The following PHC1 variants were observed in gnomAD, a reference collection of about 807,000 sequenced individuals.
The protein encoded by PHC1 is polyhomeotic-like protein 1.
A neutral mutation model predicts 104.3 loss-of-function variants in PHC1; 12 were observed. The ratio of observed to expected loss-of-function variants is 0.12; its 90% confidence interval spans 0.07 to 0.19. PHC1 has a LOEUF of 0.19. Ranked by LOEUF, PHC1 falls within the 10% of genes least tolerant of loss-of-function variation. The probability of loss-of-function intolerance (pLI) is 1.00; values close to 1 mark genes in which losing one functional copy is unlikely to be tolerated. For missense variants in PHC1, 671 were observed against 1,200.0 expected, an observed-to-expected ratio of 0.56 and a Z score of 6.51; for synonymous variants, 302 against 455.8, an observed-to-expected ratio of 0.66 and a Z score of 4.30.
intron 3 of PHC1, among the ~76,000 whole-genome samples, chr12:8,920,305 A>G (rs1565512694): frequency 6.6e-6 from 1 of 152,246 alleles, no homozygotes; most frequent in African/African-American, 2.4e-5. Context: ...TTCCTGTTTT[A>G]CTTTTTAAAA....
intron 1 of PHC1, chr12:8,915,858 T>A (rs1945185824): frequency 1.9e-5 from 3 of 154,326 alleles, no homozygotes; most frequent in Non-Finnish European, 2.9e-5. Context: ...CCAAAAAAAA[T>A]TATTAATCAG....
In PHC1 at chr12:8,921,701, A is replaced by G. The variant is rs1191395537; in HGVS notation, c.407A>G (p.Asn136Ser). Residue 136 changes from asparagine to serine, a missense_variant, in exon 5 of 15, where the codon AAC (asparagine) becomes AGC (serine). Physicochemically the swap from Asn to Ser is conservative, Grantham distance 46. Coordinates refer to ENST00000544916, the MANE Select transcript of PHC1 (RefSeq NM_004426.3). ...TTLTQSVLLG[N>S]TTSPPLNQSQ... ...TTGACCCAATCTGTGCTACTGGGGA[A>G]CACCACCTCCCCACCCCTCAACCAG... 2 of 1,612,526 alleles carry G rather than the reference A, an allele frequency of 1.2e-6. No individual in the cohort carries two copies. Among genetic ancestry groups the G allele is most frequent in the African/African-American group, 1.3e-5 (1 of 74,844 alleles).
At chr12:8,914,874 T>C (rs2137041128) in intron 1 of PHC1, 47 bp downstream of exon 1, 1 of 154,196 alleles carries the variant, frequency 6.5e-6, no homozygotes, top group Admixed American at 6.5e-5. Context: ...CTCTGGGGGC[T>C]TGGCTGCGCG....
intron 11 of PHC1, among the ~76,000 whole-genome samples, chr12:8,935,844 AGT>A (rs1945822496): frequency 6.6e-6 from 1 of 151,774 alleles, no homozygotes; most frequent in African/African-American, 2.4e-5. Context: ...CACCGCAACC[AGT>A]GCCTCCTGGG....
chr12:8,939,266 C>G (rs1945939535), intron 14 of PHC1, 39 bp from the exon 15 acceptor site: 2 of 1,611,794 alleles, frequency 1.2e-6, no homozygotes, highest in South Asian at 1.1e-5. Flanking sequence ...CTTCTCCTAT[C>G]ATCTGGCATT....
rs1411753055 is a variant in PHC1, at chr12:8,922,750, T to A, written c.574T>A (p.Ser192Thr). The change falls in exon 6 of 15, where the codon TCT becomes ACT. Residue 192 changes from serine to threonine, a missense_variant. Ser to Thr is a moderately conservative substitution (Grantham distance 58). Coordinates refer to ENST00000544916, the MANE Select transcript of PHC1 (RefSeq NM_004426.3). The stretch of plus-strand genomic sequence containing the variant: ...GGCTGCAGTCCAGCAGGAGGTGCCA[T>A]CTGCTCAGTCTCCTGGAGTTCATGC... ...AVAAVQQEVP[S>T]AQSPGVHADA... 2 of 1,612,796 alleles carry A rather than the reference T, an allele frequency of 1.2e-6. No individual in the cohort carries two copies. The highest frequency in any genetic ancestry group is 1.7e-6 in the Non-Finnish European group (2 of 1,179,530).
intron 13 of PHC1, 111 bp downstream of exon 13, chr12:8,937,437 C>T: frequency 5.0e-6 from 5 of 1,002,986 alleles, no homozygotes; most frequent in Non-Finnish European, 5.7e-6. Context: ...ACTCTGGTTT[C>T]ACATTGATTG....
Position 8,922,620 on chromosome 12 carries a change from C to T in PHC1, c.457-13C>T. The T allele has an allele frequency of 6.4e-7, 1 of 1,558,018 alleles. No homozygotes were observed. On this transcript the variant is annotated splice_polypyrimidine_tract_variant and intron_variant, in intron 5 of 14. Coordinates refer to ENST00000544916, the MANE Select transcript of PHC1 (RefSeq NM_004426.3). ...CTTGTCCTCTTTGCTCTTCCTCTTC[C>T]TCTCCTTGCCAGCCACAGCTGGGAA...
At chr12:8,929,626 C>T (rs925694981) in intron 6 of PHC1, among the ~76,000 whole-genome samples, 1 of 151,680 alleles carries the variant, frequency 6.6e-6, no homozygotes, top group Non-Finnish European at 1.5e-5. Flanking sequence ...CTCCCAGGCT[C>T]AAGTGATCCT....
At position 8,936,984 on chromosome 12, in the gene PHC1, C is replaced by G; in HGVS notation, c.2477+20C>G. The G allele has an allele frequency of 6.5e-7, 1 of 1,548,900 alleles. No homozygotes were observed. The highest frequency in any genetic ancestry group is 1.1e-5 in the South Asian group (1 of 89,364). On this transcript the variant is annotated intron_variant, in intron 12 of 14. Coordinates refer to ENST00000544916, the MANE Select transcript of PHC1 (RefSeq NM_004426.3). ...TAAGAGGTACTCTGGGCACCCTCCTCCTTGCCCTCAGCACTGGTATCTCCA... is the reference window on the plus strand; with the variant it reads ...TAAGAGGTACTCTGGGCACCCTCCTGCTTGCCCTCAGCACTGGTATCTCCA...
chr12:8,927,853 T>TTC (rs1945560310), intron 6 of PHC1, among the ~76,000 whole-genome samples: 2 of 110,822 alleles, frequency 1.8e-5, no homozygotes, highest in African/African-American at 6.9e-5. Flanking sequence ...ACTGTACTAG[T>TTC]TTTCTTTCTT....
intron 13 of PHC1, among the ~76,000 whole-genome samples, chr12:8,937,535 A>G (rs1945874241): frequency 1.3e-5 from 2 of 151,958 alleles, no homozygotes; most frequent in Non-Finnish European, 1.5e-5. Flanking sequence ...TAATCCTTAC[A>G]CTGTACTTGA....
intron 3 of PHC1, among the ~76,000 whole-genome samples, chr12:8,920,353 A>G (rs1283148869): frequency 6.6e-6 from 1 of 152,210 alleles, no homozygotes; most frequent in African/African-American, 2.4e-5. Context: ...GGTTCATATT[A>G]TATTTATATT....
At chr12:8,934,091 G>GCCCATTTTCTACTCAACCAGA in intron 9 of PHC1, 79 bp downstream of exon 9, 1 of 1,511,754 alleles carries the variant, frequency 6.6e-7, no homozygotes, top group Non-Finnish European at 9.1e-7. Context: ...GATAAAACTG[G>GCCCATTTTCTACTCAACCAGA]TTGAGTAGAA....
At chr12:8,928,753 A>G (rs1016408995) in intron 6 of PHC1, among the ~76,000 whole-genome samples, 8 of 152,160 alleles carry the variant, frequency 5.3e-5, no homozygotes, top group Non-Finnish European at 8.8e-5. Context: ...GACACCATGT[A>G]TATATTTTAA....
chr12:8,930,009 ATCT>A (rs139490350), intron 6 of PHC1, among the ~76,000 whole-genome samples: 28 of 152,300 alleles, frequency 1.8e-4, no homozygotes, highest in Non-Finnish European at 3.7e-4. Context: ...ATATCTATAC[ATCT>A]TATTATGTCA....
chr12:8,937,086 C>T, intron 12 of PHC1, 90 bp from the exon 13 acceptor site: 1 of 1,486,004 alleles, frequency 6.7e-7, no homozygotes, highest in Non-Finnish European at 9.3e-7. Flanking sequence ...TATTCCCTTC[C>T]CCAAATCAGC....
Position 8,933,877 on chromosome 12 carries a change from A to G in PHC1, c.1906A>G (p.Thr636Ala), listed in dbSNP as rs1945760363. ...QSVHLPGKPQ[T>A]LAVKRKADSE... ...CTTTACGGTATAGGGTAAACCCCAG[A>G]CATTGGCTGTCAAACGCAAGGCTGA... Residue 636 changes from threonine to alanine, a missense_variant, in exon 9 of 15, where the codon ACA becomes GCA. Around this residue, in one of 9 missense-constraint regions of PHC1, gnomAD observed 95 missense variants for 108.8 expected, o/e 0.87. Transcript: ENST00000544916. 2 of 1,613,348 alleles carry G rather than the reference A, an allele frequency of 1.2e-6. No individual in the cohort carries two copies. The highest frequency in any genetic ancestry group is 1.1e-5 in the South Asian group (1 of 91,088).
intron 10 of PHC1, among the ~76,000 whole-genome samples, chr12:8,934,912 A>G (rs1945790870): frequency 6.6e-6 from 1 of 152,042 alleles, no homozygotes; most frequent in African/African-American, 2.4e-5. Context: ...AAAAAAAGCC[A>G]GTTACTATTT....
Sources: gnomAD v4.1 joint callset for allele counts (sites outside exome capture counted in the v4.1 genomes callset) on GRCh38, gnomAD v4.1.1 for gene constraint, gnomAD v4.1.1 regional missense constraint, MANE v1.5 for transcripts, NCBI Gene and HGNC (gene_info 2026-07-23, HGNC 2026-07-21) for gene names.